The following GAL3ST4 variants were observed in gnomAD, a reference collection of about 807,000 sequenced individuals.
GAL3ST4 encodes the protein galactose-3-O-sulfotransferase 4, also known as beta-galactose-3-O-sulfotransferase 4.
GAL3ST4 carries 30 observed loss-of-function variants against 31.6 expected under a neutral mutation model. That is an observed-to-expected ratio of 0.95 (90% confidence interval 0.71 to 1.29). The LOEUF is 1.29. Ranked by LOEUF, GAL3ST4 falls within the 50% of genes most tolerant of loss-of-function variation. The probability of loss-of-function intolerance (pLI) is 0.00; values close to 1 mark genes in which losing one functional copy is unlikely to be tolerated. For synonymous variants in GAL3ST4, 248 were observed against 256.9 expected (o/e 0.97, Z 0.33); for missense variants, 629 against 625.2 (o/e 1.01, Z -0.06).
chr7:100,167,412 C>G (rs1331163789), intron 1 of GAL3ST4, 129 bp from the exon 2 acceptor site: 1 of 424,904 alleles, frequency 2.4e-6, no homozygotes, highest in Non-Finnish European at 4.3e-6. Context: ...TACCCAGACT[C>G]TCCTAGGTGG....
In GAL3ST4 at chr7:100,168,005, GACACACACACAC is replaced by G. The variant is rs57521505; in HGVS notation, c.-189+529_-189+540del. ...GGAGAGGGAGACAGAAAGAGAGAGA[GACACACACACAC>G]ACACACACACACACAGAGAAACAGA... On this transcript the variant is annotated intron_variant, in intron 1 of 3. Coordinates refer to ENST00000360039, the MANE Select transcript of GAL3ST4 (RefSeq NM_024637.5). The surrounding 1 kb of genome is among the most constrained non-coding windows in gnomAD (Gnocchi z 4.1). 1 of 145,614 alleles carries G rather than the reference GACACACACACAC, an allele frequency of 6.9e-6. No homozygotes were observed. The highest frequency in any genetic ancestry group is 2.6e-5 in the African/African-American group (1 of 38,538). The allele number at this position is 145,614 out of a possible 1,614,324, so 9.0% of individuals were successfully genotyped here.
At chr7:100,162,640 GA>G (rs1799019095) in intron 3 of GAL3ST4, among the ~76,000 whole-genome samples, 2 of 94,664 alleles carry the variant, frequency 2.1e-5, no homozygotes, top group South Asian at 9.0e-4. Context: ...AGGGGAGGGA[GA>G]GGGGGAAGAG....
Position 100,160,628 on chromosome 7 carries a change from A to C in GAL3ST4, c.761T>G (p.Leu254Arg), listed in dbSNP as rs759482241. ...AGGATGGATGAGGGCATTGGGATTG[A>C]GGGTTTGGGCTCGAGGGCCAGCACC... Reference protein sequence around the residue: ...PSGAGPRAQTLNPNALIHPVS... With the variant: ...PSGAGPRAQTRNPNALIHPVS... Residue 254 changes from leucine to arginine, a missense_variant, in exon 4 of 4, where the codon CTC (leucine) becomes CGC (arginine). Physicochemically the swap from Leu to Arg is moderately radical, Grantham distance 102. Transcript: ENST00000360039. 1 of 1,613,770 alleles carries C rather than the reference A, an allele frequency of 6.2e-7. No individual in the cohort carries two copies.
At chr7:100,165,487 G>A (rs1473448891) in intron 3 of GAL3ST4, among the ~76,000 whole-genome samples, 1 of 152,068 alleles carries the variant, frequency 6.6e-6, no homozygotes. Context: ...AATGTGAGGG[G>A]GTTGAAGAAG....
chr7:100,167,824 T>A (rs778860579), intron 1 of GAL3ST4: 1 of 152,512 alleles, frequency 6.6e-6, no homozygotes, highest in Admixed American at 6.5e-5. Flanking sequence ...TTCCCGCGCC[T>A]CTTTTTTCTC....
intron 3 of GAL3ST4, among the ~76,000 whole-genome samples, chr7:100,164,471 C>T (rs1344867115): frequency 6.6e-6 from 1 of 152,066 alleles, no homozygotes; most frequent in East Asian, 1.9e-4. Flanking sequence ...TTGAGACCAG[C>T]CTGGTCAACA....
chr7:100,160,967 G>A lies in GAL3ST4; in HGVS notation c.430-8C>T. 1 of 1,573,238 alleles carries A rather than the reference G, an allele frequency of 6.4e-7. No individual in the cohort carries two copies. Among genetic ancestry groups the A allele is most frequent in the Non-Finnish European group, 8.6e-7 (1 of 1,162,806 alleles). On this transcript the variant is annotated splice_polypyrimidine_tract_variant and splice_region_variant and intron_variant, in intron 3 of 3. Transcript: ENST00000360039. ...AGGCATGACCTGAAGTACCTGCAGA[G>A]GAGGGAAGACAGAAGAGAGAGAACT...
At chr7:100,163,940 CG>C (rs1359789922) in intron 3 of GAL3ST4, among the ~76,000 whole-genome samples, 3 of 152,150 alleles carry the variant, frequency 2.0e-5, no homozygotes, top group African/African-American at 7.2e-5. Context: ...TGACTTTGGG[CG>C]GGTTATTGAA....
In GAL3ST4 at chr7:100,167,098, G is replaced by A. The variant is rs770462045; in HGVS notation, c.-3C>T. 1.3e-6 allele frequency: 2 copies of A among 1,553,684 alleles called. No homozygotes were observed. Among genetic ancestry groups the A allele is most frequent in the South Asian group, 2.4e-5 (2 of 84,168 alleles). On this transcript the variant is annotated 5_prime_UTR_variant, in exon 2 of 4. Transcript: ENST00000360039. ...CTGGCAGGAGAGAGAGGGCCCATGTGGCACAGGGAAGGGTGAGGTGACAGA... is the reference window on the plus strand; with the variant it reads ...CTGGCAGGAGAGAGAGGGCCCATGTAGCACAGGGAAGGGTGAGGTGACAGA...
At position 100,168,031 on chromosome 7, in the gene GAL3ST4, C is replaced by CAGAG. The variant is rs71517104; in HGVS notation, c.-189+511_-189+514dup. 6.3e-5 allele frequency: 9 copies of CAGAG among 142,872 alleles called. No homozygotes were observed. Among genetic ancestry groups the CAGAG allele is most frequent in the African/African-American group, 2.0e-4 (8 of 40,738 alleles). The allele number at this position is 142,872 out of a possible 1,614,324, so 8.9% of individuals were successfully genotyped here. ...ACACACACACACACACACACACACA[C>CAGAG]AGAGAAACAGAGAGAGAGAGACAGA... On this transcript the variant is annotated intron_variant, in intron 1 of 3. Transcript: ENST00000360039. This position sits in a 1 kb window ranked among gnomAD's most constrained non-coding sequence, Gnocchi z 4.1.
At chr7:100,163,112 GT>G (rs1477387528) in intron 3 of GAL3ST4, among the ~76,000 whole-genome samples, 1 of 152,226 alleles carries the variant, frequency 6.6e-6, no homozygotes, top group African/African-American at 2.4e-5. Context: ...TAGGCAGCAG[GT>G]GGGCAGGCCA....
intron 3 of GAL3ST4, among the ~76,000 whole-genome samples, chr7:100,164,159 C>G (rs1433238332): frequency 1.3e-5 from 2 of 152,168 alleles, no homozygotes; most frequent in African/African-American, 2.4e-5. Context: ...CCCATCAGAG[C>G]ACGCCCATGT....
At chr7:100,161,330 A>C (rs914572261) in intron 3 of GAL3ST4, among the ~76,000 whole-genome samples, 1 of 151,972 alleles carries the variant, frequency 6.6e-6, no homozygotes, top group Non-Finnish European at 1.5e-5. Flanking sequence ...CCTGGGCAAC[A>C]TAGCGAGACC....
In GAL3ST4 at chr7:100,167,187, G is replaced by A. The variant is rs1467713148; in HGVS notation, c.-92C>T. On this transcript the variant is annotated 5_prime_UTR_variant, in exon 2 of 4. Transcript: ENST00000360039. ...TGGAGACAGCCGTGCAGCTGCGGAA[G>A]GCACTGGTTGGAGATCGGGGGGTCA... is the stretch of plus-strand genomic sequence containing the variant. 2 of 1,548,802 alleles carry A rather than the reference G, an allele frequency of 1.3e-6. No homozygotes were observed. Among genetic ancestry groups the A allele is most frequent in the East Asian group, 4.9e-5 (2 of 40,886 alleles).
Position 100,168,598 on chromosome 7 carries a change from C to G in GAL3ST4, c.-241G>C, listed in dbSNP as rs1216497496. ...ATCGGGCCGGGCCCTCCCGCCCATCCCAGCCACCGCCCGACTCTTGGCTCA... is the reference window on the plus strand; with the variant it reads ...ATCGGGCCGGGCCCTCCCGCCCATCGCAGCCACCGCCCGACTCTTGGCTCA... On this transcript the variant is annotated 5_prime_UTR_variant, in exon 1 of 4. Coordinates refer to ENST00000360039, the MANE Select transcript of GAL3ST4 (RefSeq NM_024637.5). This position sits in a 1 kb window ranked among gnomAD's most constrained non-coding sequence, Gnocchi z 4.1. The G allele has an allele frequency of 6.6e-6, 1 of 152,402 alleles. No individual in the cohort carries two copies. The highest frequency in any genetic ancestry group is 1.5e-5 in the Non-Finnish European group (1 of 68,154). The allele number at this position is 152,402 out of a possible 1,614,324, so 9.4% of individuals were successfully genotyped here.
Position 100,159,902 on chromosome 7 carries a change from T to C in GAL3ST4, c.*26A>G. ...ATGTGCCCTTCAAACATGGCTGCTCTTCCACCTAAATCTGTAGTCTGATGT... is the reference window on the plus strand; with the variant it reads ...ATGTGCCCTTCAAACATGGCTGCTCCTCCACCTAAATCTGTAGTCTGATGT... On this transcript the variant is annotated 3_prime_UTR_variant, in exon 4 of 4. Coordinates refer to ENST00000360039, the MANE Select transcript of GAL3ST4 (RefSeq NM_024637.5). 1.9e-6 allele frequency: 3 copies of C among 1,555,494 alleles called. No homozygotes were observed. Among genetic ancestry groups the C allele is most frequent in the Non-Finnish European group, 2.6e-6 (3 of 1,146,912 alleles).
At position 100,165,819 on chromosome 7, in the gene GAL3ST4, T is replaced by TCTCACACACA. The variant is rs769054157; in HGVS notation, c.429+682_429+683insTGTGTGTGAG. Reference sequence around the variant, plus strand: ...CTGGATGACAGAATGAGACCCTGTCTCACACACACACACACACACACACAC... The same window carrying TCTCACACACA: ...CTGGATGACAGAATGAGACCCTGTCTCTCACACACACACACACACACACACACACACACAC... On this transcript the variant is annotated intron_variant, in intron 3 of 3. Coordinates refer to ENST00000360039, the MANE Select transcript of GAL3ST4 (RefSeq NM_024637.5). Among the ~76,000 whole-genome samples, 194 of 136,372 alleles carry TCTCACACACA rather than the reference T, an allele frequency of 1.4e-3. 2 individuals are homozygous for TCTCACACACA. Among genetic ancestry groups the TCTCACACACA allele is most frequent in the African/African-American group, 4.7e-3 (167 of 35,834 alleles). The allele number at this position is 136,372 out of a possible 152,430, so 89.5% of individuals were successfully genotyped here. A position where few individuals can be genotyped will look rare whatever the true frequency, so the allele number is the denominator to read the frequency against.
chr7:100,166,408 C>T, intron 3 of GAL3ST4, 94 bp downstream of exon 3: 1 of 1,333,590 alleles, frequency 7.5e-7, no homozygotes, highest in Non-Finnish European at 1.0e-6. Context: ...TGAGATGATG[C>T]CTGGGGAGCC....
chr7:100,163,280 AGGT>A (rs1346091715), intron 3 of GAL3ST4, among the ~76,000 whole-genome samples: 1 of 152,180 alleles, frequency 6.6e-6, no homozygotes, highest in African/African-American at 2.4e-5. Context: ...GCAAGAATGA[AGGT>A]GGAGATCAGG....
Sources: allele counts gnomAD v4.1 joint callset (sites outside exome capture counted in the v4.1 genomes callset), GRCh38; gene constraint gnomAD v4.1.1; non-coding constraint Gnocchi (gnomAD v3.1); transcripts MANE v1.5; gene names NCBI Gene and HGNC (gene_info 2026-07-23, HGNC 2026-07-21).